Variants in CNTN4 observed in about 807,000 individuals in gnomAD.
The protein encoded by CNTN4 is contactin-4.
In CNTN4, 77 loss-of-function variants were observed where a neutral mutation model predicts 122.5. The observed-to-expected ratio is 0.63, with a 90% CI of 0.52 to 0.76. CNTN4 has a LOEUF of 0.76. CNTN4 is among the 30% of genes least tolerant of loss of function. CNTN4 has a pLI of 0.00. For synonymous variants in CNTN4, 512 were observed against 447.0 expected (o/e 1.15, Z -1.83); for missense variants, 1,256 against 1,259.1 (o/e 1.00, Z 0.04).
chr3:3,048,575 C>T (rs963067663), intron 23 of CNTN4, among the ~76,000 whole-genome samples: 2 of 151,242 alleles, frequency 1.3e-5, no homozygotes, highest in Non-Finnish European at 2.9e-5. Flanking sequence ...TGGTACCTCC[C>T]GTGATATCTC....
At chr3:2,636,394 A>G (rs1371976036) in intron 4 of CNTN4, among the ~76,000 whole-genome samples, 2 of 152,202 alleles carry the variant, frequency 1.3e-5, no homozygotes, top group African/African-American at 2.4e-5. Flanking sequence ...TTTATTGCCT[A>G]TAGGGGCTGT....
intron 2 of CNTN4, among the ~76,000 whole-genome samples, chr3:2,249,646 G>A (rs913853734): frequency 2.0e-5 from 3 of 151,828 alleles, no homozygotes; most frequent in Admixed American, 2.0e-4. Context: ...TTAAATGGTG[G>A]GATAAAATGG....
Position 2,354,554 on chromosome 3 carries a change from G to T in CNTN4, c.-89+15321G>T, listed in dbSNP as rs72994036. Among the ~76,000 whole-genome samples the T allele has an allele frequency of 7.4e-3, 1,128 of 152,222 alleles. 11 individuals are homozygous for T. The highest frequency in any genetic ancestry group is 0.017 in the Middle Eastern group (5 of 294). ...CAGAAAAGAAAAACCTGAATATTTTGAACCTTAAGTGAAAGGAGTTACATA... is the reference window on the plus strand; with the variant it reads ...CAGAAAAGAAAAACCTGAATATTTTTAACCTTAAGTGAAAGGAGTTACATA... On this transcript the variant is annotated intron_variant, in intron 3 of 24. Transcript: ENST00000418658.
chr3:2,459,961 T>C (rs2049141875), intron 3 of CNTN4, among the ~76,000 whole-genome samples: 1 of 152,176 alleles, frequency 6.6e-6, no homozygotes, highest in South Asian at 2.1e-4. Flanking sequence ...ACCCAGGCAT[T>C]GCTTCATAAT....
chr3:2,286,336 A>G (rs571459648), intron 2 of CNTN4, among the ~76,000 whole-genome samples: 4 of 149,284 alleles, frequency 2.7e-5, no homozygotes, highest in Non-Finnish European at 5.9e-5. Flanking sequence ...CTAATTGATT[A>G]GAAAAATGAG....
chr3:2,799,887 G>C (rs2092305127), intron 6 of CNTN4, among the ~76,000 whole-genome samples: 1 of 151,512 alleles, frequency 6.6e-6, no homozygotes, highest in Non-Finnish European at 1.5e-5. Flanking sequence ...TACTGAATAG[G>C]GTATGCTTTC....
chr3:3,045,074 C>T (rs1700507292), intron 23 of CNTN4, among the ~76,000 whole-genome samples: 1 of 152,184 alleles, frequency 6.6e-6, no homozygotes, highest in Non-Finnish European at 1.5e-5. Context: ...TGCAAGGCAG[C>T]AGTGAGGCTG....
chr3:2,881,059 CAAG>C (rs149866085), intron 8 of CNTN4, among the ~76,000 whole-genome samples: 16,765 of 152,170 alleles, frequency 0.11, 981 homozygotes, highest in Middle Eastern at 0.24. Context: ...AAAATGAAAA[CAAG>C]AAGAAGAACT....
At chr3:3,044,726 T>G (rs1283392887) in intron 23 of CNTN4, among the ~76,000 whole-genome samples, 1 of 152,182 alleles carries the variant, frequency 6.6e-6, no homozygotes, top group East Asian at 1.9e-4. Context: ...ACTGAGGTAC[T>G]GGGTTCATCT....
At chr3:2,407,990 C>A (rs1479241041) in intron 3 of CNTN4, among the ~76,000 whole-genome samples, 1 of 152,088 alleles carries the variant, frequency 6.6e-6, no homozygotes, top group Non-Finnish European at 1.5e-5. Flanking sequence ...TATTTATGAG[C>A]AGTATGGTAG....
rs574073126 is a variant in CNTN4 at position 2,894,438 on chromosome 3, A to T, written c.941-6247A>T. Reference sequence around the variant, plus strand: ...CCAAGCAGGCCTGTGTACCATTGCTAACTGAGCTACTTTCTGAATCTGGAT... The same window carrying T: ...CCAAGCAGGCCTGTGTACCATTGCTTACTGAGCTACTTTCTGAATCTGGAT... On this transcript the variant is annotated intron_variant, in intron 10 of 24. Transcript: ENST00000418658. Among the ~76,000 whole-genome samples, 30 of 152,308 alleles carry T rather than the reference A, an allele frequency of 2.0e-4. 1 individual carries two copies. In the East Asian group the frequency reaches 5.8e-3, roughly 29 times the overall value.
chr3:2,227,204 C>T (rs1471369152), intron 2 of CNTN4, among the ~76,000 whole-genome samples: 1 of 152,100 alleles, frequency 6.6e-6, no homozygotes, highest in Non-Finnish European at 1.5e-5. Context: ...GATTTGCAAA[C>T]TTCTATTATT....
At chr3:2,604,405 A>T (rs2081174782) in intron 4 of CNTN4, among the ~76,000 whole-genome samples, 1 of 152,160 alleles carries the variant, frequency 6.6e-6, no homozygotes, top group African/African-American at 2.4e-5. Flanking sequence ...TAGGCTTTGG[A>T]GACGTTGCAG....
intron 3 of CNTN4, among the ~76,000 whole-genome samples, chr3:2,390,926 A>T (rs1432094638): frequency 6.6e-6 from 1 of 152,196 alleles, no homozygotes; most frequent in Non-Finnish European, 1.5e-5. Context: ...TTCAGAAAAT[A>T]TTTTGTTCTT....
chr3:2,326,602 G>A (rs12639312), intron 2 of CNTN4, among the ~76,000 whole-genome samples: 53,448 of 151,426 alleles, frequency 0.35, 10,366 homozygotes, highest in East Asian at 0.8. Context: ...ATATACTATC[G>A]CATAAATTAA....
At chr3:2,521,338 A>T in intron 3 of CNTN4, among the ~76,000 whole-genome samples, 1 of 83,330 alleles carries the variant, frequency 1.2e-5, no homozygotes, top group African/African-American at 5.3e-5. Flanking sequence ...GTGGACCTCT[A>T]CCCATCCCCC....
At chr3:2,792,329 G>A (rs910359025) in intron 6 of CNTN4, among the ~76,000 whole-genome samples, 3 of 152,084 alleles carry the variant, frequency 2.0e-5, no homozygotes, top group Non-Finnish European at 1.5e-5. Flanking sequence ...AACAATCTTC[G>A]TGATAATGGC....
chr3:3,012,817 A>T (rs1351394128), intron 14 of CNTN4, among the ~76,000 whole-genome samples: 7 of 151,942 alleles, frequency 4.6e-5, no homozygotes, highest in Admixed American at 4.6e-4. Flanking sequence ...AAAAATACAA[A>T]ATTAGCCAGG....
At chr3:3,044,244 C>A (rs919953183) in intron 23 of CNTN4, among the ~76,000 whole-genome samples, 1 of 152,140 alleles carries the variant, frequency 6.6e-6, no homozygotes, top group Non-Finnish European at 1.5e-5. Context: ...CTTCTTGCAG[C>A]AATCAAAAAG....
Sources: gnomAD v4.1 joint callset for allele counts (sites outside exome capture counted in the v4.1 genomes callset) on GRCh38, gnomAD v4.1.1 for gene constraint, MANE v1.5 for transcripts, NCBI Gene and HGNC (gene_info 2026-07-23, HGNC 2026-07-21) for gene names.